Variants in MAPRE2 observed in about 807,000 individuals in gnomAD.
MAPRE2 encodes the protein microtubule-associated protein RP/EB family member 2.
Under a neutral mutation model 43.2 loss-of-function variants are expected in MAPRE2, and 13 were observed. That is an observed-to-expected ratio of 0.30 (90% CI 0.20 to 0.48). MAPRE2 has a LOEUF of 0.48. Among genes scored for constraint, MAPRE2 ranks in the 20% least tolerant of loss-of-function variants. The pLI is 0.99. For missense variants in MAPRE2, 161 were observed against 400.2 expected (o/e 0.40, Z 5.10); for synonymous variants, 135 against 148.8 (o/e 0.91, Z 0.68).
At chr18:34,985,759 A>T (rs1386561261) in intron 1 of MAPRE2, among the ~76,000 whole-genome samples, 3 of 135,160 alleles carry the variant, frequency 2.2e-5, no homozygotes, top group Admixed American at 8.7e-5. Flanking sequence ...TGTAATATAT[A>T]AAATATATTA....
rs1167495482 is a variant in MAPRE2 at position 35,094,633 on chromosome 18, A to G, written c.251-2813A>G. 5.3e-5 allele frequency among the ~76,000 whole-genome samples: 8 copies of G among 152,340 alleles called. No individual in the cohort carries two copies. In the East Asian group the frequency reaches 1.5e-3, roughly 29 times the overall value. On this transcript the variant is annotated intron_variant, in intron 2 of 6. Transcript: ENST00000300249. The stretch of plus-strand genomic sequence containing the variant: ...GAAAATAGTAGAAGTTAATCCTGGC[A>G]GGCTTAAGTAGAAGAACAATCTATA...
intron 1 of MAPRE2, among the ~76,000 whole-genome samples, chr18:34,994,834 G>C (rs1278566113): frequency 6.6e-6 from 1 of 152,174 alleles, no homozygotes; most frequent in East Asian, 1.9e-4. Context: ...AGTTTAAGTG[G>C]CATGCCCAAA....
At chr18:34,984,618 G>A (rs957930784) in intron 1 of MAPRE2, 2 of 151,182 alleles carry the variant, frequency 1.3e-5, no homozygotes, top group African/African-American at 2.4e-5. Flanking sequence ...TCTGATGGGG[G>A]AAAGGAGGAA....
At chr18:35,069,282 C>A (rs1292322333) in intron 1 of MAPRE2, among the ~76,000 whole-genome samples, 1 of 151,886 alleles carries the variant, frequency 6.6e-6, no homozygotes, top group Non-Finnish European at 1.5e-5. Context: ...TTATATGAAT[C>A]CAGATTCAAG....
At chr18:35,050,897 C>T (rs1043620529) in intron 1 of MAPRE2, among the ~76,000 whole-genome samples, 4 of 152,090 alleles carry the variant, frequency 2.6e-5, no homozygotes, top group African/African-American at 9.7e-5. Context: ...GAGAGAACCC[C>T]CAGGGAGACT....
chr18:35,049,738 A>G (rs1006874110), intron 1 of MAPRE2, among the ~76,000 whole-genome samples: 1 of 152,156 alleles, frequency 6.6e-6, no homozygotes, highest in Non-Finnish European at 1.5e-5. Flanking sequence ...TTTTGTGATT[A>G]TTGTGTTGAT....
rs764863876 is a variant in MAPRE2 at position 35,127,145 on chromosome 18, G to GA, written c.750+58_750+59insA. 8 of 1,593,820 alleles carry GA rather than the reference G, an allele frequency of 5.0e-6. No homozygotes were observed. The East Asian group carries it at 1.8e-4, about 36-fold the overall frequency. Reference sequence around the variant, plus strand: ...GCAGTGACGTGTGTAAGAGGTAGGGGGCCTAGGATCCCCTAGGACTGGGGT... The same window carrying GA: ...GCAGTGACGTGTGTAAGAGGTAGGGGAGCCTAGGATCCCCTAGGACTGGGGT... On this transcript the variant is annotated intron_variant, in intron 5 of 6. Coordinates refer to ENST00000300249, the MANE Select transcript of MAPRE2 (RefSeq NM_014268.4).
intron 3 of MAPRE2, among the ~76,000 whole-genome samples, chr18:35,101,267 T>G (rs1312608139): frequency 1.3e-5 from 2 of 152,146 alleles, no homozygotes; most frequent in African/African-American, 2.4e-5. Context: ...TATTTTTAAT[T>G]TTTGTATGTA....
intron 1 of MAPRE2, among the ~76,000 whole-genome samples, chr18:35,043,482 G>T (rs1241526062): frequency 6.6e-6 from 1 of 152,158 alleles, no homozygotes; most frequent in Admixed American, 6.5e-5. Flanking sequence ...TTACGTTTTG[G>T]TGACAGATTA....
intron 1 of MAPRE2, chr18:34,978,639 A>T: frequency 9.7e-7 from 1 of 1,032,258 alleles, no homozygotes; most frequent in Non-Finnish European, 1.5e-6. Context: ...TTGGTTAGCC[A>T]GTGTCCCCTC....
intron 1 of MAPRE2, among the ~76,000 whole-genome samples, chr18:35,042,751 C>T (rs1568981030): frequency 6.6e-6 from 1 of 152,154 alleles, no homozygotes; most frequent in Non-Finnish European, 1.5e-5. Flanking sequence ...ATCCTCTCAG[C>T]TGATGAGCAA....
At chr18:35,126,065 CTTGCATATTTAG>C (rs1315030382) in intron 4 of MAPRE2, among the ~76,000 whole-genome samples, 1 of 152,204 alleles carries the variant, frequency 6.6e-6, no homozygotes, top group Non-Finnish European at 1.5e-5. Context: ...TCCAGCATTT[CTTGCATATTTAG>C]TGGCTGCCAG....
At chr18:34,989,640 G>A (rs749457880) in intron 1 of MAPRE2, among the ~76,000 whole-genome samples, 9 of 152,124 alleles carry the variant, frequency 5.9e-5, no homozygotes, top group Non-Finnish European at 1.0e-4. Flanking sequence ...GAACCTGGGT[G>A]TTCAAGGCAG....
Position 35,028,692 on chromosome 18 carries a change from C to T in MAPRE2, c.-8+23139C>T, listed in dbSNP as rs146576246. On this transcript the variant is annotated intron_variant, in intron 2 of 7. Transcript: ENST00000413393. The stretch of plus-strand genomic sequence containing the variant: ...CACAAGGATTGAAGAAATAATTTCC[C>T]GAAAGAGGGAGGAGCAAACAAAATA... 2.9e-3 allele frequency among the ~76,000 whole-genome samples: 435 copies of T among 152,236 alleles called. 2 individuals are homozygous for T. Among genetic ancestry groups the T allele is most frequent in the Non-Finnish European group, 4.3e-3 (291 of 68,012 alleles).
chr18:34,985,535 A>AT (rs1472011732), intron 1 of MAPRE2, among the ~76,000 whole-genome samples: 1 of 44,696 alleles, frequency 2.2e-5, no homozygotes, highest in Non-Finnish European at 3.8e-5. Flanking sequence ...TTATAAATAT[A>AT]ATATATAATA....
intron 1 of MAPRE2, among the ~76,000 whole-genome samples, chr18:35,058,161 G>A (rs1335322996): frequency 1.3e-5 from 2 of 152,174 alleles, no homozygotes; most frequent in Non-Finnish European, 2.9e-5. Flanking sequence ...TAATTAAGAA[G>A]AGTAGATAAG....
At chr18:35,087,578 C>T (rs1268486572) in intron 2 of MAPRE2, among the ~76,000 whole-genome samples, 1 of 152,100 alleles carries the variant, frequency 6.6e-6, no homozygotes, top group Non-Finnish European at 1.5e-5. Context: ...GGGAGTTTGG[C>T]AACATAAGAA....
At chr18:35,124,045 G>A (rs1367483041) in intron 4 of MAPRE2, among the ~76,000 whole-genome samples, 2 of 152,148 alleles carry the variant, frequency 1.3e-5, no homozygotes, top group Non-Finnish European at 2.9e-5. Context: ...CAGGAAGGAG[G>A]CAGAGAGAAT....
intron 2 of MAPRE2, among the ~76,000 whole-genome samples, chr18:35,025,925 T>C (rs2097044855): frequency 6.6e-6 from 1 of 152,212 alleles, no homozygotes; most frequent in African/African-American, 2.4e-5. Flanking sequence ...AATCTTACTC[T>C]TTCTATACAC....
Sources: gnomAD v4.1 joint callset for allele counts (sites outside exome capture counted in the v4.1 genomes callset) on GRCh38, gnomAD v4.1.1 for gene constraint, MANE v1.5 for transcripts, NCBI Gene and HGNC (gene_info 2026-07-23, HGNC 2026-07-21) for gene names.